Variants in CEP290 observed in about 807,000 individuals in gnomAD.
CEP290 encodes the protein centrosomal protein of 290 kDa.
CEP290 carries 317 observed loss-of-function variants against 344.9 expected under a neutral mutation model. The observed-to-expected ratio is 0.92, with a 90% CI of 0.84 to 1.01. The LOEUF is 1.01. Ranked by LOEUF, CEP290 falls within the 50% of genes least tolerant of loss-of-function variation. The probability of loss-of-function intolerance (pLI) is 0.00; values close to 1 mark genes in which losing one functional copy is unlikely to be tolerated. For missense variants in CEP290, 2,754 were observed against 2,761.4 expected, an observed-to-expected ratio of 1.00 and a Z score of 0.06; for synonymous variants, 932 against 895.8, an observed-to-expected ratio of 1.04 and a Z score of -0.72.
In CEP290 at chr12:88,128,372, T is replaced by C. The variant is rs115598316; in HGVS notation, c.942+574A>G. On this transcript the variant is annotated intron_variant, in intron 11 of 53. Transcript: ENST00000552810. Reference sequence around the variant, plus strand: ...CTCTAGAAGTGATAGTTTTTAAAATTAGAATTATTCATTCAGAATAATCTC... The same window carrying C: ...CTCTAGAAGTGATAGTTTTTAAAATCAGAATTATTCATTCAGAATAATCTC... Among the ~76,000 whole-genome samples the C allele has an allele frequency of 2.6e-3, 389 of 152,292 alleles. 1 individual carries two copies. The highest frequency in any genetic ancestry group is 8.9e-3 in the African/African-American group (368 of 41,574).
intron 37 of CEP290, among the ~76,000 whole-genome samples, chr12:88,080,962 T>A (rs1228432857): frequency 1.3e-5 from 2 of 152,258 alleles, no homozygotes; most frequent in Non-Finnish European, 2.9e-5. Flanking sequence ...ATTTTGTGAC[T>A]CTAGTCAAAT....
Position 88,079,341 on chromosome 12 carries a change from ATAT to A in CEP290, c.5227-115_5227-113del, listed in dbSNP as rs150619947. On this transcript the variant is annotated intron_variant, in intron 38 of 53. Transcript: ENST00000552810. Reference sequence around the variant, plus strand: ...TATTACTTCCTACTATTTTTCTAAAATATTATGAGTTTAATGGAACATATTTCA... The same window carrying A: ...TATTACTTCCTACTATTTTTCTAAAATATGAGTTTAATGGAACATATTTCA... 1,208 of 837,158 alleles carry A rather than the reference ATAT, an allele frequency of 1.4e-3. 16 individuals carry two copies. The African/African-American group carries it at 0.019, about 13-fold the overall frequency. The allele number at this position is 837,158 out of a possible 1,614,324, so 51.9% of individuals were successfully genotyped here. A position where few individuals can be genotyped will look rare whatever the true frequency, so the allele number is the denominator to read the frequency against.
At chr12:88,136,062 A>G (rs1395018327) in intron 6 of CEP290, 3 of 152,206 alleles carry the variant, frequency 2.0e-5, no homozygotes, top group African/African-American at 7.2e-5. Context: ...ATAACAAGGA[A>G]TAACGAGGTA....
chr12:88,141,558 T>C (rs1290758259), intron 1 of CEP290, among the ~76,000 whole-genome samples: 1 of 152,070 alleles, frequency 6.6e-6, no homozygotes, highest in Non-Finnish European at 1.5e-5. Flanking sequence ...ACGGCTTCCT[T>C]GCTAACACTA....
intron 6 of CEP290, chr12:88,135,836 G>A (rs938177194): frequency 6.6e-6 from 1 of 151,994 alleles, no homozygotes; most frequent in Non-Finnish European, 1.5e-5. Context: ...ATAAGGGACA[G>A]GACAGTTACC....
chr12:88,110,837 C>T (rs2038636210), intron 22 of CEP290, among the ~76,000 whole-genome samples: 1 of 152,178 alleles, frequency 6.6e-6, no homozygotes, highest in East Asian at 1.9e-4. Context: ...ATTTACTTAA[C>T]ACTGCTTTAT....
At position 88,139,512 on chromosome 12, in the gene CEP290, T is replaced by C; in HGVS notation, c.233A>G (p.Glu78Gly). The change falls in exon 4 of 54, where the codon GAA (glutamate) becomes GGA (glycine). Residue 78 changes from glutamate (E) to glycine (G), a missense_variant. Glu to Gly is a moderately conservative substitution (Grantham distance 98). Transcript: ENST00000552810. ...GTGCTTACCAAATTTTGCTTGTTCT[T>C]CTCCAGCTTTTTCTACTTCTTCCAA... ...LALEEVEKAG[E>G]EQAKFENQLK... The C allele has an allele frequency of 6.2e-7, 1 of 1,600,506 alleles. No homozygotes were observed. Among genetic ancestry groups the C allele is most frequent in the African/African-American group, 1.3e-5 (1 of 74,542 alleles).
chr12:88,120,171 G>C lies in CEP290; in HGVS notation c.1465C>G (p.Leu489Val), dbSNP rs1231028240. The change falls in exon 15 of 54, where the codon CTT (leucine) becomes GTT (valine). Residue 489 changes from leucine to valine, a missense_variant. By Grantham distance (32) the Leu-to-Val change is conservative (BLOSUM62 1). Coordinates refer to ENST00000552810, the MANE Select transcript of CEP290 (RefSeq NM_025114.4). The stretch of plus-strand genomic sequence containing the variant: ...AGGAAATCACTGATCTTCAATTCAA[G>C]TTTATTGATTTCCTTTGTTAATATT... ...IEILTKEINK[L>V]ELKISDFLDE... 6.5e-7 allele frequency: 1 copy of C among 1,535,054 alleles called. No individual in the cohort carries two copies. The highest frequency in any genetic ancestry group is 2.0e-5 in the Admixed American group (1 of 49,810).
Position 88,139,556 on chromosome 12 carries a change from A to G in CEP290, c.189T>C (p.Ala63=), listed in dbSNP as rs996908777. ...CTTCCAAAGCCAGCTCCACTTCTTG[A>G]GCTTTCATCTAAACATTAAAAAAAG... is the stretch of plus-strand genomic sequence containing the variant. ...RITQSLMKMK[A]QEVELALEEV... is the part of the protein sequence containing the mutation. The change falls in exon 4 of 54, where the codon GCT becomes GCC. Residue 63 remains alanine, a synonymous_variant. Coordinates refer to ENST00000552810, the MANE Select transcript of CEP290 (RefSeq NM_025114.4). 21 of 1,578,922 alleles carry G rather than the reference A, an allele frequency of 1.3e-5. No homozygotes were observed. Among genetic ancestry groups the G allele is most frequent in the Non-Finnish European group, 1.5e-5 (18 of 1,164,136 alleles).
intron 26 of CEP290, among the ~76,000 whole-genome samples, chr12:88,102,574 G>C (rs2037972129): frequency 6.6e-6 from 1 of 152,094 alleles, no homozygotes; most frequent in Admixed American, 6.6e-5. Flanking sequence ...AATCATGCAA[G>C]TGACCTAAGG....
At chr12:88,131,804 C>CA (rs898468318) in intron 6 of CEP290, among the ~76,000 whole-genome samples, 96 of 152,116 alleles carry the variant, frequency 6.3e-4, no homozygotes, top group Non-Finnish European at 1.1e-3. Context: ...TCTGCTCCTC[C>CA]AAAAAAACCC....
chr12:88,074,212 T>C (rs771692682), intron 41 of CEP290, among the ~76,000 whole-genome samples: 28 of 151,896 alleles, frequency 1.8e-4, no homozygotes, highest in Non-Finnish European at 3.7e-4. Context: ...GTGACAAGAA[T>C]AAAACTCCAT....
chr12:88,070,690 C>CAATT (rs1385311218), intron 43 of CEP290, among the ~76,000 whole-genome samples: 1 of 152,000 alleles, frequency 6.6e-6, no homozygotes, highest in East Asian at 1.9e-4. Context: ...CAGAAGTGTG[C>CAATT]AATTCCTGAA....
chr12:88,060,692 GT>G, intron 47 of CEP290, 137 bp downstream of exon 47: 1 of 620,392 alleles, frequency 1.6e-6, no homozygotes, highest in African/African-American at 1.9e-5. Flanking sequence ...CCTCTCATAA[GT>G]TTTTTTCTAT....
At chr12:88,096,315 T>G (rs2037428035) in intron 27 of CEP290, among the ~76,000 whole-genome samples, 1 of 152,136 alleles carries the variant, frequency 6.6e-6, no homozygotes, top group Non-Finnish European at 1.5e-5. Context: ...TCCCAAGTGC[T>G]GGAATTACAG....
At position 88,103,004 on chromosome 12, in the gene CEP290, G is replaced by T. The variant is rs1387291760; in HGVS notation, c.2825C>A (p.Ala942Asp). 6.5e-7 allele frequency: 1 copy of T among 1,542,956 alleles called. No individual in the cohort carries two copies. The highest frequency in any genetic ancestry group is 1.8e-4 in the Middle Eastern group (1 of 5,688). The part of the protein sequence containing the change: ...IGCLQRFKEM[A>D]IFKIAALQKV... ...TTGGAGAGCTGCAATCTTGAAAATG[G>T]CCATTTCCTATGTAAATAAAGATAC... The change falls in exon 26 of 54, where the codon GCC (alanine) becomes GAC (aspartate). Residue 942 changes from alanine to aspartate, a missense_variant. By Grantham distance (126) the Ala-to-Asp change is moderately radical (BLOSUM62 -2). Coordinates refer to ENST00000552810, the MANE Select transcript of CEP290 (RefSeq NM_025114.4).
chr12:88,115,268 A>G (rs1205759470), intron 18 of CEP290, 86 bp from the exon 19 acceptor site: 1 of 801,458 alleles, frequency 1.2e-6, no homozygotes, highest in Admixed American at 3.0e-5. Context: ...AGTTTGATCA[A>G]TTAAGTATAA....
At position 88,084,804 on chromosome 12, in the gene CEP290, G is replaced by T. The variant is rs1026690396; in HGVS notation, c.4486C>A (p.Leu1496Met). The change falls in exon 35 of 54, where the codon CTG becomes ATG. Residue 1496 changes from leucine (L) to methionine (M), a missense_variant. Coordinates refer to ENST00000552810, the MANE Select transcript of CEP290 (RefSeq NM_025114.4). The part of the protein sequence containing the change: ...SALRLAEQNI[L>M]SRDKVINELR... ...TCATTGATTACTTTGTCTCTTGACA[G>T]TATATTTTGTTCTGCTAACCTTAAA... is the stretch of plus-strand genomic sequence containing the variant. 7 of 1,608,968 alleles carry T rather than the reference G, an allele frequency of 4.4e-6. No homozygotes were observed. The highest frequency in any genetic ancestry group is 3.4e-5 in the Admixed American group (2 of 59,350).
intron 27 of CEP290, among the ~76,000 whole-genome samples, chr12:88,096,329 T>C (rs987137397): frequency 1.3e-4 from 20 of 152,256 alleles, no homozygotes; most frequent in African/African-American, 4.8e-4. Flanking sequence ...ATTACAGGTG[T>C]GAGCCACTGC....
Sources: gnomAD v4.1 joint callset for allele counts (sites outside exome capture counted in the v4.1 genomes callset) on GRCh38, gnomAD v4.1.1 for gene constraint, MANE v1.5 for transcripts, NCBI Gene and HGNC (gene_info 2026-07-23, HGNC 2026-07-21) for gene names.